The following DCAF13 variants were observed in gnomAD, a reference collection of about 807,000 sequenced individuals.
The protein encoded by DCAF13 is DDB1- and CUL4-associated factor 13.
DCAF13 carries 38 observed loss-of-function variants against 59.0 expected under a neutral mutation model. The observed-to-expected ratio is 0.64, with a 90% CI of 0.50 to 0.84. DCAF13 has a LOEUF of 0.84. DCAF13 is among the 40% of genes least tolerant of loss of function. The probability of loss-of-function intolerance (pLI) is 0.00; values close to 1 mark genes in which losing one functional copy is unlikely to be tolerated. For missense variants in DCAF13, 469 were observed against 558.4 expected, an observed-to-expected ratio of 0.84 and a Z score of 1.61; for synonymous variants, 173 against 175.0, an observed-to-expected ratio of 0.99 and a Z score of 0.09.
Position 103,443,396 on chromosome 8 carries a change from AAAT to A in DCAF13, c.*522_*524del, listed in dbSNP as rs1817036236. The A allele has an allele frequency of 6.6e-6, 1 of 152,052 alleles. No individual in the cohort carries two copies. Among genetic ancestry groups the A allele is most frequent in the Non-Finnish European group, 1.5e-5 (1 of 67,974 alleles). 9.4% of individuals were successfully genotyped at this position (152,052 alleles called of 1,614,324 possible). On this transcript the variant is annotated 3_prime_UTR_variant, in exon 11 of 11. Coordinates refer to ENST00000612750, the MANE Select transcript of DCAF13 (RefSeq NM_015420.7). ...CAGCCTGCATTTATATAACTTTTAT[AAAT>A]AATAATATAATTTGGGTCAAGTTAA... is the stretch of plus-strand genomic sequence containing the variant.
chr8:103,431,251 A>G lies in DCAF13; in HGVS notation c.702+562A>G, dbSNP rs548323228. ...ATATCAGAGCTAATAATACAACTTA[A>G]GCTAACTCTCAAGAGGGAGACAGAT... On this transcript the variant is annotated intron_variant, in intron 6 of 10. Coordinates refer to ENST00000612750, the MANE Select transcript of DCAF13 (RefSeq NM_015420.7). Among the ~76,000 whole-genome samples, 49 of 152,298 alleles carry G rather than the reference A, an allele frequency of 3.2e-4. 1 individual carries two copies. The South Asian group carries it at 9.3e-3, about 29-fold the overall frequency.
In DCAF13 at chr8:103,442,778, G is replaced by T; in HGVS notation, c.1251-17G>T. The T allele has an allele frequency of 1.3e-6, 2 of 1,533,204 alleles. No individual in the cohort carries two copies. Among genetic ancestry groups the T allele is most frequent in the Non-Finnish European group, 1.8e-6 (2 of 1,137,820 alleles). The allele number at this position is 1,533,204 out of a possible 1,614,324, so 95.0% of individuals were successfully genotyped here. On this transcript the variant is annotated splice_polypyrimidine_tract_variant and intron_variant, in intron 10 of 10. Coordinates refer to ENST00000612750, the MANE Select transcript of DCAF13 (RefSeq NM_015420.7). ...AGTTCCCATAACTTGCTTATATTTT[G>T]TATATTTTATTTCTAGGGAAGTGAA...
intron 6 of DCAF13, among the ~76,000 whole-genome samples, chr8:103,431,893 TG>T (rs2130489588): frequency 6.6e-6 from 1 of 152,278 alleles, no homozygotes; most frequent in South Asian, 2.1e-4. Context: ...AAATGTAGCC[TG>T]GCTTTCAAGG....
At position 103,418,796 on chromosome 8, in the gene DCAF13, C is replaced by T. The variant is rs539464303; in HGVS notation, c.71-1468C>T. On this transcript the variant is annotated intron_variant, in intron 1 of 10. Transcript: ENST00000612750. ...TACTCACTGAGTTTTTTTAGACATA[C>T]GAGCTTAAAATTACTTTCTAAGCAT... 7.0e-5 allele frequency among the ~76,000 whole-genome samples: 8 copies of T among 115,012 alleles called. 1 individual carries two copies. In the East Asian group the frequency reaches 8.2e-4, roughly 12 times the overall value. 75.5% of individuals were successfully genotyped at this position (115,012 alleles called of 152,430 possible).
chr8:103,441,738 A>G, intron 10 of DCAF13, 120 bp downstream of exon 10: 1 of 962,890 alleles, frequency 1.0e-6, no homozygotes, highest in East Asian at 2.7e-5. Flanking sequence ...ATAGTATGTT[A>G]GTGATGTGTT....
intron 8 of DCAF13, among the ~76,000 whole-genome samples, chr8:103,437,583 T>A (rs528150201): frequency 6.6e-6 from 1 of 152,244 alleles, no homozygotes; most frequent in Non-Finnish European, 1.5e-5. Context: ...AGTCTTAATA[T>A]GTGTTAACGT....
chr8:103,433,753 G>C (rs1394017177), intron 7 of DCAF13, among the ~76,000 whole-genome samples: 4 of 151,750 alleles, frequency 2.6e-5, no homozygotes, highest in African/African-American at 4.8e-5. Flanking sequence ...ACAAGACCCT[G>C]GTGTCTTAAA....
At chr8:103,427,055 T>G in intron 4 of DCAF13, 42 bp from the exon 5 acceptor site, 3 of 1,456,400 alleles carry the variant, frequency 2.1e-6, no homozygotes, top group Non-Finnish European at 2.8e-6. Flanking sequence ...CAGATTTGAA[T>G]TAGTAATGAA....
At chr8:103,422,667 G>T (rs935522766) in intron 3 of DCAF13, among the ~76,000 whole-genome samples, 2 of 152,124 alleles carry the variant, frequency 1.3e-5, no homozygotes, top group African/African-American at 2.4e-5. Flanking sequence ...TATTAGTTTG[G>T]TGTATGTCTT....
At chr8:103,416,527 A>C (rs1816615799) in intron 1 of DCAF13, among the ~76,000 whole-genome samples, 1 of 152,142 alleles carries the variant, frequency 6.6e-6, no homozygotes, top group African/African-American at 2.4e-5. Context: ...CTCCTGTGGC[A>C]CACACCCTTA....
intron 5 of DCAF13, chr8:103,427,598 T>C (rs1436178019): frequency 3.9e-6 from 1 of 256,948 alleles, no homozygotes; most frequent in Non-Finnish European, 7.3e-6. Context: ...TAGGAAAATG[T>C]TAATTTTTCT....
chr8:103,441,761 C>A, intron 10 of DCAF13, 143 bp downstream of exon 10: 2 of 769,234 alleles, frequency 2.6e-6, no homozygotes, highest in Non-Finnish European at 4.1e-6. Flanking sequence ...AAGACTTCTA[C>A]AGAAGGCCTT....
intron 3 of DCAF13, among the ~76,000 whole-genome samples, chr8:103,421,464 C>G (rs990009188): frequency 6.6e-6 from 1 of 152,188 alleles, no homozygotes; most frequent in East Asian, 1.9e-4. Flanking sequence ...AATTTACTCT[C>G]TGTTTTTAAA....
intron 3 of DCAF13, 41 bp downstream of exon 3, chr8:103,421,123 A>T (rs776276050): frequency 3.1e-6 from 4 of 1,278,018 alleles, no homozygotes; most frequent in Non-Finnish European, 4.6e-6. Context: ...TGATCAACAT[A>T]GGTAAGAATA....
At chr8:103,424,965 G>A (rs1391752790) in intron 3 of DCAF13, among the ~76,000 whole-genome samples, 2 of 152,062 alleles carry the variant, frequency 1.3e-5, no homozygotes, top group African/African-American at 2.4e-5. Context: ...TCTGTTCATC[G>A]ACATCCTCAA....
intron 8 of DCAF13, 54 bp downstream of exon 8, chr8:103,435,844 T>A: frequency 1.3e-6 from 2 of 1,568,312 alleles, no homozygotes; most frequent in Non-Finnish European, 1.7e-6. Context: ...ACAATGGGGA[T>A]GCATTCTGAG....
chr8:103,438,284 A>G (rs183927250), intron 8 of DCAF13, among the ~76,000 whole-genome samples: 22 of 152,332 alleles, frequency 1.4e-4, no homozygotes, highest in African/African-American at 5.3e-4. Context: ...TATCTCATCT[A>G]GTTTTCATTT....
rs759718195 is a variant in DCAF13, at chr8:103,441,543, G to A, written c.1175G>A (p.Arg392His). 38 of 1,608,882 alleles carry A rather than the reference G, an allele frequency of 2.4e-5. No homozygotes were observed. The highest frequency in any genetic ancestry group is 5.1e-5 in the Admixed American group (3 of 58,390). The change falls in exon 10 of 11, where the codon CGT becomes CAT. Residue 392 changes from arginine to histidine, a missense_variant. Physicochemically the swap from Arg to His is conservative, Grantham distance 29. This residue lies in a region of DCAF13 where 84 missense variants were observed against 92.3 expected (regional missense o/e 0.91). Transcript: ENST00000612750. ...TATCCTCATATAAAACGTATAGCTCGTCATCGACATCTACCAAAATCTATC... is the reference window on the plus strand; with the variant it reads ...TATCCTCATATAAAACGTATAGCTCATCATCGACATCTACCAAAATCTATC... ...QHYPHIKRIA[R>H]HRHLPKSIYS...
At chr8:103,416,432 C>T (rs745550032) in intron 1 of DCAF13, among the ~76,000 whole-genome samples, 1 of 152,230 alleles carries the variant, frequency 6.6e-6, no homozygotes, top group East Asian at 1.9e-4. Context: ...TTCCTTGCCA[C>T]TTTAGTCAGT....
Sources: allele counts gnomAD v4.1 joint callset (sites outside exome capture counted in the v4.1 genomes callset), GRCh38; gene constraint gnomAD v4.1.1; regional missense constraint gnomAD v4.1.1; transcripts MANE v1.5; gene names NCBI Gene and HGNC (gene_info 2026-07-23, HGNC 2026-07-21).